Variants in AUTS2 observed in about 807,000 individuals in gnomAD.
AUTS2 encodes the protein activator of transcription and developmental regulator AUTS2.
In AUTS2, 17 loss-of-function variants were observed where a neutral mutation model predicts 112.4. The observed-to-expected ratio is 0.15, with a 90% CI of 0.10 to 0.23. The LOEUF is 0.23. Among genes scored for constraint, AUTS2 ranks in the 10% least tolerant of loss-of-function variants. The probability of loss-of-function intolerance (pLI) is 1.00; values close to 1 mark genes in which losing one functional copy is unlikely to be tolerated. For synonymous variants in AUTS2, 751 were observed against 702.7 expected, an observed-to-expected ratio of 1.07 and a Z score of -1.09; for missense variants, 1,510 against 1,701.6, an observed-to-expected ratio of 0.89 and a Z score of 1.98.
At chr7:70,338,247 G>A (rs1791085155) in intron 4 of AUTS2, among the ~76,000 whole-genome samples, 1 of 152,178 alleles carries the variant, frequency 6.6e-6, no homozygotes. Context: ...TAGCAGATTT[G>A]ACAGAGTAAG....
At chr7:70,312,733 C>T (rs1789817754) in intron 4 of AUTS2, among the ~76,000 whole-genome samples, 2 of 152,148 alleles carry the variant, frequency 1.3e-5, no homozygotes, top group Non-Finnish European at 2.9e-5. Context: ...CAGTGCTGTC[C>T]AGTACAACTT....
intron 2 of AUTS2, among the ~76,000 whole-genome samples, chr7:70,004,066 A>G (rs1363506572): frequency 8.0e-6 from 1 of 125,104 alleles, no homozygotes; most frequent in Non-Finnish European, 1.6e-5. Context: ...GTGAATATAT[A>G]TATTATATAT....
intron 2 of AUTS2, among the ~76,000 whole-genome samples, chr7:69,999,462 A>T (rs1282045765): frequency 6.6e-6 from 1 of 152,190 alleles, no homozygotes. Context: ...TAACACATTA[A>T]ATTCTGAAGT....
intron 1 of AUTS2, among the ~76,000 whole-genome samples, chr7:69,806,095 G>A (rs143316833): frequency 2.2e-3 from 324 of 150,290 alleles, no homozygotes; most frequent in Non-Finnish European, 3.5e-3. Flanking sequence ...AGACACACAC[G>A]GTCTTGGTCT....
At chr7:69,985,872 C>T (rs988995781) in intron 2 of AUTS2, among the ~76,000 whole-genome samples, 3 of 152,094 alleles carry the variant, frequency 2.0e-5, no homozygotes, top group African/African-American at 7.2e-5. Flanking sequence ...CCTCCAGCCT[C>T]GGCTTCCCGA....
At chr7:70,377,149 C>T (rs1793125369) in intron 4 of AUTS2, among the ~76,000 whole-genome samples, 4 of 150,846 alleles carry the variant, frequency 2.7e-5, no homozygotes, top group Non-Finnish European at 3.0e-5. Flanking sequence ...GGGAATGTGC[C>T]CCATGCTTCT....
chr7:69,646,030 GGAA>G (rs1795006577), intron 1 of AUTS2, among the ~76,000 whole-genome samples: 1 of 151,114 alleles, frequency 6.6e-6, no homozygotes, highest in Admixed American at 6.6e-5. Flanking sequence ...AATGCTGGAA[GGAA>G]GAAGGAGGGA....
At chr7:70,368,169 T>A (rs1408022904) in intron 4 of AUTS2, among the ~76,000 whole-genome samples, 2 of 152,220 alleles carry the variant, frequency 1.3e-5, no homozygotes, top group African/African-American at 4.8e-5. Flanking sequence ...CTCAAGTTCC[T>A]TATGTATAAA....
intron 4 of AUTS2, among the ~76,000 whole-genome samples, chr7:70,140,724 G>T (rs1004732086): frequency 2.0e-5 from 3 of 151,824 alleles, no homozygotes; most frequent in African/African-American, 7.3e-5. Flanking sequence ...TTAATTTTTG[G>T]CCATTATATA....
intron 1 of AUTS2, among the ~76,000 whole-genome samples, chr7:69,623,711 T>C (rs1793795620): frequency 6.6e-6 from 1 of 152,276 alleles, no homozygotes; most frequent in East Asian, 1.9e-4. Context: ...AAGAAAACAT[T>C]CCTGTGTATT....
chr7:70,756,474 T>C (rs1472099579), intron 6 of AUTS2, among the ~76,000 whole-genome samples: 1 of 152,192 alleles, frequency 6.6e-6, no homozygotes, highest in East Asian at 1.9e-4. Context: ...TTTTTTACTT[T>C]CTGGAATGAA....
chr7:70,265,011 A>G (rs191753892), intron 4 of AUTS2, among the ~76,000 whole-genome samples: 1 of 152,336 alleles, frequency 6.6e-6, no homozygotes, highest in Admixed American at 6.5e-5. Flanking sequence ...ATTAGAGTTC[A>G]AGGCATTCCC....
At chr7:70,449,157 G>A (rs1796431433) in intron 5 of AUTS2, among the ~76,000 whole-genome samples, 1 of 152,238 alleles carries the variant, frequency 6.6e-6, no homozygotes. Flanking sequence ...CAGAAACAGT[G>A]AGCAGAGGGC....
At chr7:69,643,778 C>A (rs1385782091) in intron 1 of AUTS2, among the ~76,000 whole-genome samples, 2 of 152,042 alleles carry the variant, frequency 1.3e-5, no homozygotes, top group African/African-American at 4.8e-5. Flanking sequence ...GTATTCTCCA[C>A]CCCCCAAATT....
intron 1 of AUTS2, among the ~76,000 whole-genome samples, chr7:69,687,530 A>G (rs1277982881): frequency 1.3e-5 from 2 of 152,234 alleles, no homozygotes; most frequent in Non-Finnish European, 2.9e-5. Context: ...TAAAGCTCAT[A>G]TTAAAGAAAA....
At chr7:70,423,298 C>T (rs1481452784) in intron 4 of AUTS2, among the ~76,000 whole-genome samples, 2 of 152,136 alleles carry the variant, frequency 1.3e-5, no homozygotes, top group East Asian at 3.9e-4. Context: ...TAAATCAGTC[C>T]TTAAATCAAT....
chr7:70,673,809 A>T (rs1204192228), intron 5 of AUTS2, among the ~76,000 whole-genome samples: 1 of 152,144 alleles, frequency 6.6e-6, no homozygotes, highest in Non-Finnish European at 1.5e-5. Context: ...ATCTACTTCT[A>T]TTTGGAATCA....
intron 2 of AUTS2, among the ~76,000 whole-genome samples, chr7:69,997,306 A>T (rs924182991): frequency 6.6e-6 from 1 of 152,160 alleles, no homozygotes; most frequent in Admixed American, 6.5e-5. Flanking sequence ...TAGTATTAAC[A>T]TCTACTTGGG....
At chr7:70,747,891 G>A (rs902853359) in intron 6 of AUTS2, among the ~76,000 whole-genome samples, 8 of 151,268 alleles carry the variant, frequency 5.3e-5, no homozygotes, top group South Asian at 2.1e-4. Context: ...GCGCGATCTC[G>A]GCTCACTGCA....
Sources: allele counts gnomAD v4.1 joint callset (sites outside exome capture counted in the v4.1 genomes callset), GRCh38; gene constraint gnomAD v4.1.1; transcripts MANE v1.5; gene names NCBI Gene and HGNC (gene_info 2026-07-23, HGNC 2026-07-21).